Variants in GDNF observed in about 807,000 individuals in gnomAD.
GDNF encodes the protein glial cell derived neurotrophic factor, also known as glial cell line-derived neurotrophic factor.
A neutral mutation model predicts 13.7 loss-of-function variants in GDNF; 5 were observed. The observed-to-expected ratio is 0.36, with a 90% CI of 0.19 to 0.77. The LOEUF (loss-of-function observed/expected upper bound fraction) is 0.77. Ranked by LOEUF, GDNF falls within the 30% of genes least tolerant of loss-of-function variation. GDNF has a pLI of 0.51. For missense variants in GDNF, 246 were observed against 274.3 expected (o/e 0.90, Z 0.73); for synonymous variants, 122 against 112.5 (o/e 1.08, Z -0.53).
rs186187362 is a variant in GDNF, at chr5:37,830,480, C to T, written c.151+4166G>A. Among the ~76,000 whole-genome samples the T allele has an allele frequency of 3.7e-3, 559 of 152,322 alleles. 5 individuals are homozygous for T. The highest frequency in any genetic ancestry group is 0.012 in the African/African-American group (517 of 41,556). ...AGAATCCCAGGCAAGCCTGGACTGC[C>T]TACGTGCTGACCAACCAACAGTGGG... On this transcript the variant is annotated intron_variant, in intron 2 of 2. Transcript: ENST00000326524.
Position 37,835,368 on chromosome 5 carries a change from G to C in GDNF, c.-26-546C>G, listed in dbSNP as rs548035115. On this transcript the variant is annotated intron_variant, in intron 1 of 2. Coordinates refer to ENST00000326524, the MANE Select transcript of GDNF (RefSeq NM_000514.4). Reference sequence around the variant, plus strand: ...GTCCCAACCGGGCTTCTGGCTAGTCGAGGGCAGGCTCGGGGGCACCACTCA... The same window carrying C: ...GTCCCAACCGGGCTTCTGGCTAGTCCAGGGCAGGCTCGGGGGCACCACTCA... 2,006 of 1,152,054 alleles carry C rather than the reference G, an allele frequency of 1.7e-3. 3 individuals are homozygous for C. The highest frequency in any genetic ancestry group is 1.9e-3 in the Non-Finnish European group (1,657 of 867,254). The allele number at this position is 1,152,054 out of a possible 1,614,324, so 71.4% of individuals were successfully genotyped here. A position where few individuals can be genotyped will look rare whatever the true frequency, so the allele number is the denominator to read the frequency against.
At chr5:37,825,353 TAATACAGC>T (rs1750272921) in intron 2 of GDNF, among the ~76,000 whole-genome samples, 1 of 152,210 alleles carries the variant, frequency 6.6e-6, no homozygotes, top group African/African-American at 2.4e-5. Context: ...AATTTTACAG[TAATACAGC>T]ACAGTCCCCC....
intron 2 of GDNF, among the ~76,000 whole-genome samples, chr5:37,833,977 T>TC (rs1327796709): frequency 6.6e-6 from 1 of 152,258 alleles, no homozygotes; most frequent in African/African-American, 2.4e-5. Context: ...TGGGTTTTTT[T>TC]CTCAAGAGTT....
chr5:37,835,806 T>G, intron 1 of GDNF: 1 of 723,102 alleles, frequency 1.4e-6, no homozygotes, highest in Admixed American at 2.0e-5. Flanking sequence ...TGGACGACTG[T>G]ACCCAGTCTC....
chr5:37,819,760 C>G (rs1750063580), intron 2 of GDNF, among the ~76,000 whole-genome samples: 3 of 152,104 alleles, frequency 2.0e-5, no homozygotes, highest in Admixed American at 2.0e-4. Flanking sequence ...GCCAAGAGTG[C>G]TCTTAATTTG....
In GDNF at chr5:37,835,277, C is replaced by T. The variant is rs1400243773; in HGVS notation, c.-26-455G>A. The T allele has an allele frequency of 1.7e-5, 7 of 404,054 alleles. No individual in the cohort carries two copies. The East Asian group carries it at 2.1e-4, about 12-fold the overall frequency. The allele number at this position is 404,054 out of a possible 1,614,324, so 25.0% of individuals were successfully genotyped here. On this transcript the variant is annotated intron_variant, in intron 1 of 2. Coordinates refer to ENST00000326524, the MANE Select transcript of GDNF (RefSeq NM_000514.4). ...TAGCTCCTATAGGCCCCTGAACGAG[C>T]CCTCGGCCCAAGCAAGGACGGTGTT...
chr5:37,834,903 T>C, intron 1 of GDNF, 81 bp from the exon 2 acceptor site: 2 of 1,291,516 alleles, frequency 1.5e-6, no homozygotes, highest in Non-Finnish European at 2.2e-6. Context: ...CCTGCGCCCC[T>C]CTCCAACCTC....
chr5:37,836,732 GGC>G (rs1387959334), intron 1 of GDNF, among the ~76,000 whole-genome samples: 1 of 152,230 alleles, frequency 6.6e-6, no homozygotes, highest in African/African-American at 2.4e-5. Context: ...GGAGCATGGA[GGC>G]GCGGGGTTAA....
rs548023243 is a variant in GDNF at position 37,838,258 on chromosome 5, C to T, written c.-27+1249G>A. On this transcript the variant is annotated intron_variant, in intron 1 of 2. Transcript: ENST00000326524. This position sits in a 1 kb window ranked among gnomAD's most constrained non-coding sequence, Gnocchi z 4.1. Reference sequence around the variant, plus strand: ...TGCTAGCGGGAAAGGGCTAGGGACACGGCGGACTTCCCAGAGATCGGACAC... The same window carrying T: ...TGCTAGCGGGAAAGGGCTAGGGACATGGCGGACTTCCCAGAGATCGGACAC... Among the ~76,000 whole-genome samples, 12 of 152,288 alleles carry T rather than the reference C, an allele frequency of 7.9e-5. No individual in the cohort carries two copies. Among genetic ancestry groups the T allele is most frequent in the African/African-American group, 2.6e-4 (11 of 41,552 alleles).
In GDNF at chr5:37,839,743, G is replaced by C. The variant is rs1750829850; in HGVS notation, c.-263C>G. 6.6e-6 allele frequency: 1 copy of C among 152,214 alleles called. No homozygotes were observed. Among genetic ancestry groups the C allele is most frequent in the African/African-American group, 2.4e-5 (1 of 41,442 alleles). The allele number at this position is 152,214 out of a possible 1,614,324, so 9.4% of individuals were successfully genotyped here. On this transcript the variant is annotated 5_prime_UTR_variant, in exon 1 of 3. Transcript: ENST00000326524. The surrounding 1 kb of genome is among the most constrained non-coding windows in gnomAD (Gnocchi z 5.5). ...GAGGGCTGCCGGCAACTCTCCCGCCGGGCCCCCGCACCCCCAGAAGCCGAG... is the reference window on the plus strand; with the variant it reads ...GAGGGCTGCCGGCAACTCTCCCGCCCGGCCCCCGCACCCCCAGAAGCCGAG...
At chr5:37,835,380 G>C (rs1339404872) in intron 1 of GDNF, 3 of 1,301,998 alleles carry the variant, frequency 2.3e-6, no homozygotes, top group Middle Eastern at 2.8e-4. Flanking sequence ...GGGCAGGCTC[G>C]GGGGCACCAC....
chr5:37,836,949 C>T (rs1750728252), intron 1 of GDNF, among the ~76,000 whole-genome samples: 1 of 152,246 alleles, frequency 6.6e-6, no homozygotes, highest in South Asian at 2.1e-4. Context: ...AGAGGAGGCT[C>T]CCGGCTGCGG....
Position 37,839,710 on chromosome 5 carries a change from A to G in GDNF, c.-230T>C, listed in dbSNP as rs1750828302. 6.6e-6 allele frequency: 1 copy of G among 151,778 alleles called. No homozygotes were observed. Among genetic ancestry groups the G allele is most frequent in the Admixed American group, 6.6e-5 (1 of 15,254 alleles). The allele number at this position is 151,778 out of a possible 1,614,324, so 9.4% of individuals were successfully genotyped here. ...CAAGACTCCCGCCGCCGCCGCCGCC[A>G]ACAGGGCGAGGGCTGCCGGCAACTC... On this transcript the variant is annotated 5_prime_UTR_variant, in exon 1 of 3. Coordinates refer to ENST00000326524, the MANE Select transcript of GDNF (RefSeq NM_000514.4). This position sits in a 1 kb window ranked among gnomAD's most constrained non-coding sequence, Gnocchi z 5.5.
At position 37,815,359 on chromosome 5, in the gene GDNF, G is replaced by C; in HGVS notation, c.*292C>G. On this transcript the variant is annotated 3_prime_UTR_variant, in exon 3 of 3. Coordinates refer to ENST00000326524, the MANE Select transcript of GDNF (RefSeq NM_000514.4). The surrounding 1 kb of genome is among the most constrained non-coding windows in gnomAD (Gnocchi z 5.0). ...TGAAATGGTGGCAATAGCCAACCAG[G>C]AACATCAGCCCTGAGCTTCTAGTGA... is the stretch of plus-strand genomic sequence containing the variant. 1 of 483,036 alleles carries C rather than the reference G, an allele frequency of 2.1e-6. No homozygotes were observed. The highest frequency in any genetic ancestry group is 3.8e-5 in the East Asian group (1 of 26,334). The allele number at this position is 483,036 out of a possible 1,614,324, so 29.9% of individuals were successfully genotyped here. A position where few individuals can be genotyped will look rare whatever the true frequency, so the allele number is the denominator to read the frequency against.
At position 37,837,548 on chromosome 5, in the gene GDNF, G is replaced by A. The variant is rs11749386; in HGVS notation, c.-27+1959C>T. Among the ~76,000 whole-genome samples the A allele has an allele frequency of 0.28, 41,867 of 152,156 alleles. 7,221 individuals are homozygous for A. Among genetic ancestry groups the A allele is most frequent in the Non-Finnish European group, 0.38 (25,582 of 67,968 alleles). The stretch of plus-strand genomic sequence containing the variant: ...CAGCCGCTCGCCGCGAGGCACTTCT[G>A]AGTTCCCGGCAGCAGGGGGCACCAG... On this transcript the variant is annotated intron_variant, in intron 1 of 2. Transcript: ENST00000326524. The surrounding 1 kb of genome is among the most constrained non-coding windows in gnomAD (Gnocchi z 6.5).
chr5:37,834,869 T>C (rs1469623549), intron 1 of GDNF, 47 bp from the exon 2 acceptor site: 7 of 1,564,760 alleles, frequency 4.5e-6, no homozygotes, highest in Non-Finnish European at 5.3e-6. Context: ...AGAATGCACG[T>C]TAAGCCTGGG....
At chr5:37,835,433 A>G (rs1204247814) in intron 1 of GDNF, 2 of 1,433,172 alleles carry the variant, frequency 1.4e-6, no homozygotes, top group Non-Finnish European at 1.8e-6. Context: ...CCACCTAAAT[A>G]GGTATTCTGT....
At chr5:37,834,550 C>T in intron 2 of GDNF, 96 bp downstream of exon 2, 4 of 1,147,870 alleles carry the variant, frequency 3.5e-6, no homozygotes, top group Non-Finnish European at 4.7e-6. Flanking sequence ...GCCACACAGC[C>T]ATCAGGCTGG....
Position 37,812,939 on chromosome 5 carries a change from G to C in GDNF, c.*2712C>G, listed in dbSNP as rs1016306739. On this transcript the variant is annotated 3_prime_UTR_variant, in exon 3 of 3. Transcript: ENST00000326524. Reference sequence around the variant, plus strand: ...GTGGTGTGTAGGTGATGCCGGGAACGAGCTATTGACACCCCTTGGATCCTA... The same window carrying C: ...GTGGTGTGTAGGTGATGCCGGGAACCAGCTATTGACACCCCTTGGATCCTA... The C allele has an allele frequency of 6.6e-6, 1 of 152,178 alleles. No homozygotes were observed. Among genetic ancestry groups the C allele is most frequent in the Non-Finnish European group, 1.5e-5 (1 of 68,052 alleles). 9.4% of individuals were successfully genotyped at this position (152,178 alleles called of 1,614,324 possible). A position where few individuals can be genotyped will look rare whatever the true frequency, so the allele number is the denominator to read the frequency against.
Sources: gnomAD v4.1 joint callset for allele counts (sites outside exome capture counted in the v4.1 genomes callset) on GRCh38, gnomAD v4.1.1 for gene constraint, Gnocchi (gnomAD v3.1) non-coding constraint, MANE v1.5 for transcripts, NCBI Gene and HGNC (gene_info 2026-07-23, HGNC 2026-07-21) for gene names.